Variants in MIPOL1 observed in about 807,000 individuals in gnomAD.
MIPOL1 encodes the protein mirror-image polydactyly 1.
Under a neutral mutation model 60.9 loss-of-function variants are expected in MIPOL1, and 57 were observed. The observed-to-expected ratio is 0.94, with a 90% CI of 0.76 to 1.17. The LOEUF (loss-of-function observed/expected upper bound fraction) is 1.17. MIPOL1 is among the 50% of genes most tolerant of loss of function. MIPOL1 has a pLI of 0.00. For synonymous variants in MIPOL1, 179 were observed against 168.8 expected, an observed-to-expected ratio of 1.06 and a Z score of -0.47; for missense variants, 551 against 511.6, an observed-to-expected ratio of 1.08 and a Z score of -0.74.
intron 1 of MIPOL1, among the ~76,000 whole-genome samples, chr14:37,236,737 C>A (rs1046412978): frequency 2.0e-5 from 3 of 152,130 alleles, no homozygotes; most frequent in African/African-American, 7.2e-5. Flanking sequence ...CACGCCTGGC[C>A]TCCAAATTAT....
At chr14:37,200,266 T>C (rs560763509) in intron 1 of MIPOL1, among the ~76,000 whole-genome samples, 1 of 152,346 alleles carries the variant, frequency 6.6e-6, no homozygotes, top group South Asian at 2.1e-4. Context: ...CTTTTCTGTT[T>C]TTTTCCTCTT....
intron 10 of MIPOL1, among the ~76,000 whole-genome samples, chr14:37,391,006 G>A (rs1046952408): frequency 5.3e-5 from 8 of 151,932 alleles, no homozygotes; most frequent in Non-Finnish European, 8.8e-5. Flanking sequence ...TCAGAGATAA[G>A]GAGAAAAATT....
intron 11 of MIPOL1, among the ~76,000 whole-genome samples, chr14:37,497,137 A>T (rs1041601453): frequency 1.3e-5 from 2 of 152,180 alleles, no homozygotes; most frequent in Non-Finnish European, 2.9e-5. Context: ...TTATACAAAA[A>T]TCAATTCAAG....
chr14:37,341,951 TATA>T (rs1481289050), intron 9 of MIPOL1, among the ~76,000 whole-genome samples: 2 of 152,338 alleles, frequency 1.3e-5, no homozygotes, highest in Non-Finnish European at 2.9e-5. Flanking sequence ...TTCAAAATGG[TATA>T]ATAATATCTA....
At chr14:37,375,023 G>GT (rs1216869390) in intron 10 of MIPOL1, among the ~76,000 whole-genome samples, 1 of 152,054 alleles carries the variant, frequency 6.6e-6, no homozygotes, top group African/African-American at 2.4e-5. Context: ...AGCATGGAAT[G>GT]TTTTTCCATT....
intron 11 of MIPOL1, among the ~76,000 whole-genome samples, chr14:37,429,983 A>C (rs1435336455): frequency 2.0e-5 from 3 of 152,160 alleles, no homozygotes; most frequent in Non-Finnish European, 4.4e-5. Flanking sequence ...CAAATCCCTC[A>C]CCAAGAGTGG....
At chr14:37,343,069 T>C (rs1195838040) in intron 9 of MIPOL1, among the ~76,000 whole-genome samples, 2 of 150,808 alleles carry the variant, frequency 1.3e-5, no homozygotes, top group African/African-American at 4.8e-5. Flanking sequence ...GCTGATATGT[T>C]GCCTAATGGA....
Position 37,390,642 on chromosome 14 carries a change from G to A in MIPOL1, c.936+21018G>A, listed in dbSNP as rs112460295. On this transcript the variant is annotated intron_variant, in intron 10 of 12. Coordinates refer to ENST00000684589, the MANE Select transcript of MIPOL1 (RefSeq NM_001388067.1). Reference sequence around the variant, plus strand: ...TGGAAATCAAATAGAAATTCTAATCGTAATGAGCACAATATCTGAAATTAG... The same window carrying A: ...TGGAAATCAAATAGAAATTCTAATCATAATGAGCACAATATCTGAAATTAG... Among the ~76,000 whole-genome samples, 9 of 151,966 alleles carry A rather than the reference G, an allele frequency of 5.9e-5. 1 individual carries two copies. The highest frequency in any genetic ancestry group is 2.0e-4 in the Admixed American group (3 of 15,234).
chr14:37,483,978 T>C (rs914983334), intron 11 of MIPOL1, among the ~76,000 whole-genome samples: 7 of 152,176 alleles, frequency 4.6e-5, no homozygotes, highest in African/African-American at 1.7e-4. Context: ...TCCATGTTCA[T>C]TGCAACACTG....
chr14:37,430,552 A>G (rs1357935757), intron 11 of MIPOL1, among the ~76,000 whole-genome samples: 1 of 150,780 alleles, frequency 6.6e-6, no homozygotes, highest in Non-Finnish European at 1.5e-5. Context: ...AGTGATTTGG[A>G]CTATATTTAT....
At chr14:37,366,968 T>C (rs1341100637) in intron 9 of MIPOL1, among the ~76,000 whole-genome samples, 1 of 152,030 alleles carries the variant, frequency 6.6e-6, no homozygotes, top group Non-Finnish European at 1.5e-5. Context: ...TAAGCATAGC[T>C]ACTCCTGCCC....
At chr14:37,325,921 T>A (rs1432709703) in intron 9 of MIPOL1, among the ~76,000 whole-genome samples, 4 of 152,166 alleles carry the variant, frequency 2.6e-5, no homozygotes, top group Non-Finnish European at 4.4e-5. Context: ...TCCAGACAAG[T>A]GGTATCCATG....
chr14:37,469,628 T>C (rs1451243330), intron 11 of MIPOL1, among the ~76,000 whole-genome samples: 1 of 152,164 alleles, frequency 6.6e-6, no homozygotes, highest in East Asian at 1.9e-4. Flanking sequence ...CAGAAGTTTA[T>C]GGATTGGAAA....
At chr14:37,340,999 T>C (rs1379402940) in intron 9 of MIPOL1, among the ~76,000 whole-genome samples, 1 of 152,182 alleles carries the variant, frequency 6.6e-6, no homozygotes, top group Admixed American at 6.5e-5. Flanking sequence ...GCCTACAGTA[T>C]TCAGTACACT....
intron 11 of MIPOL1, among the ~76,000 whole-genome samples, chr14:37,486,239 C>G (rs986236781): frequency 7.2e-5 from 11 of 152,130 alleles, no homozygotes; most frequent in African/African-American, 2.4e-4. Flanking sequence ...GTTACTATAG[C>G]CTTGTAGTAC....
intron 9 of MIPOL1, among the ~76,000 whole-genome samples, chr14:37,332,628 A>G (rs970776434): frequency 6.6e-6 from 1 of 152,230 alleles, no homozygotes; most frequent in Non-Finnish European, 1.5e-5. Context: ...CATTTACAAT[A>G]CTGAACTGTA....
At chr14:37,268,364 G>T (rs941345508) in intron 4 of MIPOL1, among the ~76,000 whole-genome samples, 2 of 152,128 alleles carry the variant, frequency 1.3e-5, no homozygotes, top group African/African-American at 4.8e-5. Flanking sequence ...AAATAGTAGA[G>T]ATTGGGCTAA....
At chr14:37,496,646 A>T (rs1261565083) in intron 11 of MIPOL1, among the ~76,000 whole-genome samples, 6 of 151,330 alleles carry the variant, frequency 4.0e-5, no homozygotes, top group African/African-American at 9.7e-5. Flanking sequence ...TCAATGAAAT[A>T]AAAGAGGATA....
At chr14:37,212,761 C>A (rs530161899) in intron 1 of MIPOL1, among the ~76,000 whole-genome samples, 1 of 152,076 alleles carries the variant, frequency 6.6e-6, no homozygotes, top group Non-Finnish European at 1.5e-5. Context: ...AGGCTTTGGG[C>A]GAGATCTAAT....
Sources: allele counts gnomAD v4.1 joint callset (sites outside exome capture counted in the v4.1 genomes callset), GRCh38; gene constraint gnomAD v4.1.1; transcripts MANE v1.5; gene names NCBI Gene and HGNC (gene_info 2026-07-23, HGNC 2026-07-21).